The following SMAD9 variants were observed in gnomAD, a reference collection of about 807,000 sequenced individuals.
SMAD9 encodes the protein MAD homolog 9.
A neutral mutation model predicts 46.1 loss-of-function variants in SMAD9; 36 were observed. The observed-to-expected ratio is 0.78, with a 90% confidence interval of 0.60 to 1.03. The LOEUF is 1.03. Ranked by LOEUF, SMAD9 falls within the 50% of genes least tolerant of loss-of-function variation. The pLI is 0.00. For synonymous variants in SMAD9, 245 were observed against 237.1 expected, an observed-to-expected ratio of 1.03 and a Z score of -0.31; for missense variants, 572 against 599.8, an observed-to-expected ratio of 0.95 and a Z score of 0.48.
intron 1 of SMAD9, among the ~76,000 whole-genome samples, chr13:36,915,204 C>G (rs970637753): frequency 3.9e-5 from 6 of 152,162 alleles, no homozygotes; most frequent in Non-Finnish European, 8.8e-5. Flanking sequence ...AACTCAGAAT[C>G]CCCAATGTCA....
chr13:36,901,083 A>C (rs1287878552), intron 1 of SMAD9, among the ~76,000 whole-genome samples: 1 of 152,224 alleles, frequency 6.6e-6, no homozygotes, highest in Non-Finnish European at 1.5e-5. Context: ...CAATTGATAG[A>C]TATAGTCCAT....
chr13:36,870,871 A>G (rs1328195150), intron 3 of SMAD9, among the ~76,000 whole-genome samples: 1 of 152,206 alleles, frequency 6.6e-6, no homozygotes, highest in African/African-American at 2.4e-5. Context: ...TCAACAGTAG[A>G]TCTGATCACA....
At chr13:36,855,805 G>T (rs747083787) in intron 5 of SMAD9, among the ~76,000 whole-genome samples, 1 of 152,128 alleles carries the variant, frequency 6.6e-6, no homozygotes, top group Admixed American at 6.6e-5. Context: ...GAACAATTTT[G>T]AGTAGTATGT....
Position 36,845,792 on chromosome 13 carries a change from T to G in SMAD9, c.*2884A>C, listed in dbSNP as rs2058035235. 6.6e-6 allele frequency: 1 copy of G among 152,212 alleles called. No homozygotes were observed. Among genetic ancestry groups the G allele is most frequent in the Non-Finnish European group, 1.5e-5 (1 of 68,038 alleles). 9.4% of individuals were successfully genotyped at this position (152,212 alleles called of 1,614,324 possible). A position where few individuals can be genotyped will look rare whatever the true frequency, so the allele number is the denominator to read the frequency against. ...GACTAAAGGGTTAACTTCTCATTAA[T>G]TCTAAATTCTTCAAAATGTACAAGC... is the stretch of plus-strand genomic sequence containing the variant. On this transcript the variant is annotated 3_prime_UTR_variant, in exon 7 of 7. Coordinates refer to ENST00000379826, the MANE Select transcript of SMAD9 (RefSeq NM_001127217.3).
intron 2 of SMAD9, among the ~76,000 whole-genome samples, chr13:36,874,634 G>A (rs994781361): frequency 1.3e-5 from 2 of 152,074 alleles, no homozygotes; most frequent in Non-Finnish European, 2.9e-5. Flanking sequence ...AAGGCAGGTG[G>A]ATCACGAGGT....
intron 1 of SMAD9, among the ~76,000 whole-genome samples, chr13:36,880,654 T>G (rs2058394873): frequency 6.6e-6 from 1 of 152,194 alleles, no homozygotes; most frequent in African/African-American, 2.4e-5. Context: ...TTCCAATTAC[T>G]TATTTGTGTG....
chr13:36,872,356 C>G (rs1290761996), intron 3 of SMAD9, among the ~76,000 whole-genome samples: 1 of 143,012 alleles, frequency 7.0e-6, no homozygotes, highest in Non-Finnish European at 1.5e-5. Context: ...GTCTTTTCAT[C>G]TTATTTCTAC....
chr13:36,856,618 A>G (rs183365878), intron 5 of SMAD9, among the ~76,000 whole-genome samples: 1 of 152,224 alleles, frequency 6.6e-6, no homozygotes, highest in Non-Finnish European at 1.5e-5. Flanking sequence ...TAGGCCAACA[A>G]TGTTATTTGC....
intron 2 of SMAD9, among the ~76,000 whole-genome samples, chr13:36,875,432 T>C (rs1368579548): frequency 6.6e-6 from 1 of 152,176 alleles, no homozygotes; most frequent in Non-Finnish European, 1.5e-5. Flanking sequence ...AAATAATTTC[T>C]TCCCCTTTTC....
At chr13:36,889,838 A>G (rs2058475698) in intron 1 of SMAD9, among the ~76,000 whole-genome samples, 1 of 152,078 alleles carries the variant, frequency 6.6e-6, no homozygotes, top group Admixed American at 6.6e-5. Context: ...AAAAGAACCA[A>G]ACCTCTTATA....
chr13:36,868,123 T>C (rs369149651), intron 3 of SMAD9, among the ~76,000 whole-genome samples: 53 of 152,340 alleles, frequency 3.5e-4, no homozygotes, highest in African/African-American at 1.3e-3. Flanking sequence ...TCAATCTGCC[T>C]TTGTTGTATC....
At chr13:36,918,801 G>A (rs543158353) in intron 1 of SMAD9, among the ~76,000 whole-genome samples, 10 of 152,322 alleles carry the variant, frequency 6.6e-5, no homozygotes, top group African/African-American at 2.4e-4. Flanking sequence ...CCTCACACTT[G>A]GAGGAATGCT....
chr13:36,920,547 CCCTGCCCGG>C (rs2058738025), upstream of SMAD9: 1 of 152,244 alleles, frequency 6.6e-6, no homozygotes, highest in African/African-American at 2.4e-5. Context: ...CAGGCTCGGC[CCCTGCCCGG>C]CCTGCCGGGG....
chr13:36,908,963 A>G (rs2058639650), intron 1 of SMAD9, among the ~76,000 whole-genome samples: 1 of 152,232 alleles, frequency 6.6e-6, no homozygotes, highest in Non-Finnish European at 1.5e-5. Context: ...TACTATGGTA[A>G]GCAGATGTCA....
In SMAD9 at chr13:36,845,982, C is replaced by T. The variant is rs1158604165; in HGVS notation, c.*2694G>A. ...TTGTTTCTTGATTTTTGTTTAGAGA[C>T]AGGGTGTCACTTTGTCACCCAGGCT... On this transcript the variant is annotated 3_prime_UTR_variant, in exon 7 of 7. Transcript: ENST00000379826. 6.6e-6 allele frequency: 1 copy of T among 152,020 alleles called. No homozygotes were observed. The highest frequency in any genetic ancestry group is 1.5e-5 in the Non-Finnish European group (1 of 68,018). 9.4% of individuals were successfully genotyped at this position (152,020 alleles called of 1,614,324 possible).
chr13:36,915,676 T>C (rs927020738), intron 1 of SMAD9, among the ~76,000 whole-genome samples: 3 of 152,244 alleles, frequency 2.0e-5, no homozygotes, highest in African/African-American at 7.2e-5. Flanking sequence ...AACTTTTTTC[T>C]TTGAATTAAA....
chr13:36,914,018 G>C (rs776028720), intron 1 of SMAD9, among the ~76,000 whole-genome samples: 9 of 152,100 alleles, frequency 5.9e-5, no homozygotes, highest in Admixed American at 2.6e-4. Context: ...CCTTCCCCTA[G>C]AACAATGTCA....
chr13:36,862,743 G>A (rs1315323768), intron 5 of SMAD9, among the ~76,000 whole-genome samples: 1 of 152,150 alleles, frequency 6.6e-6, no homozygotes, highest in East Asian at 1.9e-4. Context: ...TTTCTTGTGT[G>A]AGTTCCAAGA....
intron 1 of SMAD9, among the ~76,000 whole-genome samples, chr13:36,900,890 A>T (rs1414646868): frequency 1.3e-5 from 2 of 152,062 alleles, no homozygotes; most frequent in Non-Finnish European, 2.9e-5. Context: ...CATTTTGATC[A>T]CTCCAAAATA....
Sources: gnomAD v4.1 joint callset for allele counts (sites outside exome capture counted in the v4.1 genomes callset) on GRCh38, gnomAD v4.1.1 for gene constraint, MANE v1.5 for transcripts, NCBI Gene and HGNC (gene_info 2026-07-23, HGNC 2026-07-21) for gene names.